Variants in OPA3 observed in about 807,000 individuals in gnomAD.
The protein encoded by OPA3 is outer mitochondrial membrane lipid metabolism regulator OPA3, also known as optic atrophy 3 protein.
Under a neutral mutation model 4.0 loss-of-function variants are expected in OPA3, and 6 were observed. That is an observed-to-expected ratio of 1.51 (90% CI 0.83 to 2.99). The LOEUF (loss-of-function observed/expected upper bound fraction) is 2.99. Among genes scored for constraint, OPA3 ranks in the 30% most tolerant of loss-of-function variants. The probability of loss-of-function intolerance (pLI) is 0.00; values close to 1 mark genes in which losing one functional copy is unlikely to be tolerated. For synonymous variants in OPA3, 105 were observed against 117.1 expected (o/e 0.90, Z 0.67); for missense variants, 235 against 256.2 (o/e 0.92, Z 0.56).
intron 1 of OPA3, among the ~76,000 whole-genome samples, chr19:45,564,966 C>T (rs2122473987): frequency 1.3e-5 from 2 of 152,328 alleles, no homozygotes; most frequent in East Asian, 3.9e-4. Flanking sequence ...GTGGCTCACG[C>T]CTGTAATCCC....
rs773109015 is a variant in OPA3 at position 45,546,944 on chromosome 19, C to G, written c.*6570G>C. 6 of 152,254 alleles carry G rather than the reference C, an allele frequency of 3.9e-5. No homozygotes were observed. Among genetic ancestry groups the G allele is most frequent in the Non-Finnish European group, 8.8e-5 (6 of 68,098 alleles). The allele number at this position is 152,254 out of a possible 1,614,324, so 9.4% of individuals were successfully genotyped here. A position where few individuals can be genotyped will look rare whatever the true frequency, so the allele number is the denominator to read the frequency against. On this transcript the variant is annotated 3_prime_UTR_variant, in exon 2 of 2. Coordinates refer to ENST00000263275, the MANE Select transcript of OPA3 (RefSeq NM_025136.4). ...TTGGTCTTCCAAAGTACTGAGATTA[C>G]AGGCGTGAGCCACCGCGCCTGGCCT...
chr19:45,584,322 A>G, intron 1 of OPA3: 3 of 985,156 alleles, frequency 3.0e-6, no homozygotes, highest in Non-Finnish European at 3.6e-6. Context: ...AGCCCCGTCC[A>G]AATTTCTCCC....
downstream of OPA3, among the ~76,000 whole-genome samples, chr19:45,545,121 C>T (rs1432397211): frequency 1.9e-4 from 27 of 144,064 alleles, 1 homozygote; most frequent in Admixed American, 5.0e-4. Flanking sequence ...GCCGAAATGG[C>T]GCCACTGCAC....
At position 45,548,032 on chromosome 19, in the gene OPA3, G is replaced by A. The variant is rs1178563969; in HGVS notation, c.*5482C>T. 2 of 773,782 alleles carry A rather than the reference G, an allele frequency of 2.6e-6. No homozygotes were observed. Among genetic ancestry groups the A allele is most frequent in the African/African-American group, 3.8e-5 (2 of 52,992 alleles). The allele number at this position is 773,782 out of a possible 1,614,324, so 47.9% of individuals were successfully genotyped here. The stretch of plus-strand genomic sequence containing the variant: ...TCTTTATTGCCGGTCTCTGGCACTA[G>A]AATGTCAGCTCCAGTGAGGGCCTCT... On this transcript the variant is annotated 3_prime_UTR_variant, in exon 2 of 2. Transcript: ENST00000263275.
exon 2 of OPA3, chr19:45,528,196 T>G (rs1969014796): frequency 6.6e-6 from 1 of 152,458 alleles, no homozygotes; most frequent in Non-Finnish European, 1.5e-5. Flanking sequence ...ACCAAGTGAC[T>G]GAGCCTGAAA....
chr19:45,536,255 A>T (rs1969117039), intron 1 of OPA3, among the ~76,000 whole-genome samples: 1 of 149,918 alleles, frequency 6.7e-6, no homozygotes, highest in African/African-American at 2.5e-5. Flanking sequence ...TTAAAAAAAA[A>T]AATGTGGGCC....
chr19:45,536,313 G>C (rs1969117779), intron 1 of OPA3, among the ~76,000 whole-genome samples: 1 of 151,816 alleles, frequency 6.6e-6, no homozygotes, highest in East Asian at 1.9e-4. Flanking sequence ...GGAGGCTGAG[G>C]CAGGCGGATC....
chr19:45,572,746 G>A (rs1325579021), intron 1 of OPA3, among the ~76,000 whole-genome samples: 3 of 128,090 alleles, frequency 2.3e-5, no homozygotes, highest in Non-Finnish European at 4.7e-5. Context: ...TATATATATA[G>A]ATATATATCT....
At chr19:45,527,621 T>C (rs61267572) in exon 2 of OPA3, 32,632 of 151,960 alleles carry the variant, frequency 0.21, 3,813 homozygotes, top group East Asian at 0.35. Flanking sequence ...GTTGCCTAGG[T>C]TGGTCTCTAA....
rs549495140 is a variant in OPA3, at chr19:45,548,751, G to A, written c.*4763C>T. On this transcript the variant is annotated 3_prime_UTR_variant, in exon 2 of 2. Transcript: ENST00000263275. ...ACCTCAGTGAGTTTTTTGAGTGAAA[G>A]AATAAATAAAGGATATTTTTCCTAA... 3 of 978,842 alleles carry A rather than the reference G, an allele frequency of 3.1e-6. No individual in the cohort carries two copies. The highest frequency in any genetic ancestry group is 3.6e-6 in the Non-Finnish European group (3 of 824,338). The allele number at this position is 978,842 out of a possible 1,614,324, so 60.6% of individuals were successfully genotyped here. A position where few individuals can be genotyped will look rare whatever the true frequency, so the allele number is the denominator to read the frequency against.
downstream of OPA3, among the ~76,000 whole-genome samples, chr19:45,543,844 G>A (rs375691981): frequency 5.3e-5 from 8 of 152,156 alleles, no homozygotes; most frequent in Non-Finnish European, 7.4e-5. Context: ...TTACAGCATC[G>A]GCATCTCTAA....
chr19:45,555,762 A>G (rs1969411979), intron 1 of OPA3, among the ~76,000 whole-genome samples: 1 of 152,116 alleles, frequency 6.6e-6, no homozygotes, highest in Non-Finnish European at 1.5e-5. Context: ...AAGTGTTGGG[A>G]TTACAGGCGT....
intron 1 of OPA3, among the ~76,000 whole-genome samples, chr19:45,554,955 T>C (rs1301397322): frequency 6.6e-6 from 1 of 152,164 alleles, no homozygotes; most frequent in Non-Finnish European, 1.5e-5. Flanking sequence ...CATGCCCGTC[T>C]AATTTTTCGT....
intron 1 of OPA3, among the ~76,000 whole-genome samples, chr19:45,583,048 C>T (rs184866703): frequency 1.6e-4 from 24 of 152,268 alleles, no homozygotes; most frequent in African/African-American, 5.3e-4. Context: ...AGATCTCTTT[C>T]GCTGTGTCAG....
At chr19:45,572,269 T>A (rs1161860743) in intron 1 of OPA3, among the ~76,000 whole-genome samples, 3 of 128,878 alleles carry the variant, frequency 2.3e-5, no homozygotes, top group East Asian at 2.3e-4. Context: ...AAAATAAAAA[T>A]ATATATAGTA....
rs1032218787 is a variant in OPA3, at chr19:45,553,319, G to A, written c.*195C>T. ...TAGGAGGTGAAGGATGATGGAGGGG[G>A]CTATGTTGCAACGCTTCACCTGCTG... On this transcript the variant is annotated 3_prime_UTR_variant, in exon 2 of 2. Coordinates refer to ENST00000263275, the MANE Select transcript of OPA3 (RefSeq NM_025136.4). The A allele has an allele frequency of 7.5e-6, 11 of 1,464,280 alleles. No homozygotes were observed. Among genetic ancestry groups the A allele is most frequent in the Middle Eastern group, 2.5e-4 (1 of 4,034 alleles). The allele number at this position is 1,464,280 out of a possible 1,614,324, so 90.7% of individuals were successfully genotyped here. A position where few individuals can be genotyped will look rare whatever the true frequency, so the allele number is the denominator to read the frequency against.
chr19:45,564,292 C>T (rs565908117), intron 1 of OPA3, among the ~76,000 whole-genome samples: 16 of 74,182 alleles, frequency 2.2e-4, no homozygotes, highest in African/African-American at 9.6e-4. Flanking sequence ...CCTAGGCACC[C>T]TGGAAGGGGG....
chr19:45,533,842 G>A (rs1599949518), intron 1 of OPA3, among the ~76,000 whole-genome samples: 1 of 152,208 alleles, frequency 6.6e-6, no homozygotes, highest in Admixed American at 6.5e-5. Context: ...GCTTCTCCCC[G>A]AAAGAAGGCA....
downstream of OPA3, among the ~76,000 whole-genome samples, chr19:45,543,769 G>A (rs932578444): frequency 1.3e-5 from 2 of 152,046 alleles, no homozygotes; most frequent in African/African-American, 4.8e-5. Context: ...ACTGGCCAAC[G>A]TTACTATTTT....
Sources: gnomAD v4.1 joint callset for allele counts (sites outside exome capture counted in the v4.1 genomes callset) on GRCh38, gnomAD v4.1.1 for gene constraint, MANE v1.5 for transcripts, NCBI Gene and HGNC (gene_info 2026-07-23, HGNC 2026-07-21) for gene names.